Variants in GNAI1 observed in about 807,000 individuals in gnomAD.
GNAI1 encodes the protein G protein subunit alpha i1, also known as guanine nucleotide-binding protein G(i) subunit alpha-1.
Under a neutral mutation model 38.9 loss-of-function variants are expected in GNAI1, and 11 were observed. That is an observed-to-expected ratio of 0.28 (90% CI 0.18 to 0.47). The LOEUF (loss-of-function observed/expected upper bound fraction) is 0.47. GNAI1 is among the 20% of genes least tolerant of loss of function. The pLI is 0.99. For missense variants in GNAI1, 317 were observed against 436.9 expected, an observed-to-expected ratio of 0.73 and a Z score of 2.45; for synonymous variants, 166 against 145.1, an observed-to-expected ratio of 1.14 and a Z score of -1.04.
intron 1 of GNAI1, among the ~76,000 whole-genome samples, chr7:80,162,783 G>T (rs923874512): frequency 6.6e-6 from 1 of 152,148 alleles, no homozygotes; most frequent in Non-Finnish European, 1.5e-5. Context: ...ATTTGGTGTG[G>T]CTGAGCACAA....
chr7:80,203,749 G>T lies in GNAI1; in HGVS notation c.507G>T (p.Pro169=), dbSNP rs140625096. ...LDRIAQPNYI[P]TQQDVLRTRV... Reference sequence around the variant, plus strand: ...GAATAGCTCAACCAAATTACATCCCGACTCAACAAGATGTTCTCAGAACTA... The same window carrying T: ...GAATAGCTCAACCAAATTACATCCCTACTCAACAAGATGTTCTCAGAACTA... The change falls in exon 5 of 8, where the codon CCG becomes CCT. Residue 169 remains proline, a synonymous_variant. Coordinates refer to ENST00000649796, the MANE Select transcript of GNAI1 (RefSeq NM_002069.6). The T allele has an allele frequency of 4.4e-6, 7 of 1,590,630 alleles. No homozygotes were observed. Among genetic ancestry groups the T allele is most frequent in the African/African-American group, 1.3e-5 (1 of 74,298 alleles).
rs1417639782 is a variant in GNAI1, at chr7:80,135,259, G to A, written c.99G>A (p.Glu33=). 2.6e-6 allele frequency: 4 copies of A among 1,519,010 alleles called. No individual in the cohort carries two copies. Among genetic ancestry groups the A allele is most frequent in the Middle Eastern group, 2.0e-4 (1 of 4,970 alleles). The allele number at this position is 1,519,010 out of a possible 1,614,324, so 94.1% of individuals were successfully genotyped here. ...LREDGEKAAR[E]VKLLLLGAGE... The stretch of plus-strand genomic sequence containing the variant: ...AGGACGGCGAGAAGGCGGCGCGCGA[G>A]GTCAAGCTGCTGCTGCTCGGTAAGG... Residue 33 remains glutamate (E), a synonymous_variant, in exon 1 of 8, where the codon GAG becomes GAA. Transcript: ENST00000649796.
At chr7:80,182,558 T>G (rs1406138502) in intron 1 of GNAI1, among the ~76,000 whole-genome samples, 1 of 152,222 alleles carries the variant, frequency 6.6e-6, no homozygotes, top group African/African-American at 2.4e-5. Context: ...AAATATAAGT[T>G]CAGAGCTTCT....
chr7:80,184,656 CT>C (rs1216239834), intron 1 of GNAI1, among the ~76,000 whole-genome samples: 1 of 152,156 alleles, frequency 6.6e-6, no homozygotes, highest in African/African-American at 2.4e-5. Flanking sequence ...TGGAGACTGC[CT>C]TTCCCTTTCA....
intron 4 of GNAI1, among the ~76,000 whole-genome samples, chr7:80,202,967 T>G (rs1292329212): frequency 1.3e-5 from 2 of 152,192 alleles, no homozygotes; most frequent in Non-Finnish European, 2.9e-5. Flanking sequence ...GAATCCTTCT[T>G]TAATCACCTA....
intron 3 of GNAI1, 134 bp downstream of exon 3, chr7:80,189,365 G>A: frequency 1.4e-6 from 1 of 724,816 alleles, no homozygotes; most frequent in Non-Finnish European, 2.4e-6. Context: ...ATAGAAGTGA[G>A]TGAAATGAGG....
chr7:80,208,985 C>T (rs1213063172), intron 5 of GNAI1, among the ~76,000 whole-genome samples: 1 of 152,120 alleles, frequency 6.6e-6, no homozygotes, highest in Non-Finnish European at 1.5e-5. Flanking sequence ...ACATTCTGTC[C>T]ACAATGATAC....
At chr7:80,165,534 A>G (rs542689278) in intron 1 of GNAI1, among the ~76,000 whole-genome samples, 5 of 152,330 alleles carry the variant, frequency 3.3e-5, no homozygotes, top group African/African-American at 1.2e-4. Context: ...TTATTTAAAA[A>G]ACATGAGATA....
intron 5 of GNAI1, among the ~76,000 whole-genome samples, chr7:80,204,744 C>G (rs1788744234): frequency 6.6e-6 from 1 of 152,008 alleles, no homozygotes. Context: ...TAAGTCTGTA[C>G]TGTTATTCAT....
intron 7 of GNAI1, 70 bp from the exon 8 acceptor site, chr7:80,217,233 A>ACTGACTTCAGTTTCATATGTATGAAC (rs1562846627): frequency 1.1e-5 from 11 of 1,034,818 alleles, no homozygotes; most frequent in South Asian, 1.8e-5. Context: ...TATGTATGAA[A>ACTGACTTCAGTTTCATATGTATGAAC]CTGAATTCAG....
chr7:80,194,052 C>G (rs993628201), intron 3 of GNAI1, among the ~76,000 whole-genome samples: 2 of 152,150 alleles, frequency 1.3e-5, no homozygotes, highest in African/African-American at 4.8e-5. Context: ...CTGTGTCTGT[C>G]TGCCGGATTT....
chr7:80,160,980 A>G (rs753725883), intron 1 of GNAI1, among the ~76,000 whole-genome samples: 65 of 152,158 alleles, frequency 4.3e-4, no homozygotes, highest in Non-Finnish European at 7.5e-4. Flanking sequence ...AGTTAATCAC[A>G]TCTAAGAAGT....
rs138437672 is a variant in GNAI1, at chr7:80,183,492, G to T, written c.119-5459G>T. Among the ~76,000 whole-genome samples, 236 of 152,166 alleles carry T rather than the reference G, an allele frequency of 1.6e-3. 2 individuals carry two copies. Among genetic ancestry groups the T allele is most frequent in the African/African-American group, 5.4e-3 (225 of 41,530 alleles). On this transcript the variant is annotated intron_variant, in intron 1 of 7. Coordinates refer to ENST00000649796, the MANE Select transcript of GNAI1 (RefSeq NM_002069.6). Reference sequence around the variant, plus strand: ...CTTAAAAGGAGAGTAGAGGTATGAGGACTTCAGCATAAGATAACTTGGCTA... The same window carrying T: ...CTTAAAAGGAGAGTAGAGGTATGAGTACTTCAGCATAAGATAACTTGGCTA...
chr7:80,174,974 G>A (rs1446891296), intron 1 of GNAI1, among the ~76,000 whole-genome samples: 1 of 152,126 alleles, frequency 6.6e-6, no homozygotes, highest in African/African-American at 2.4e-5. Context: ...AATATTCCAT[G>A]TGACCAAATG....
At chr7:80,211,170 A>G (rs1788866939) in intron 6 of GNAI1, 72 bp downstream of exon 6, 2 of 1,346,134 alleles carry the variant, frequency 1.5e-6, no homozygotes, top group Non-Finnish European at 2.1e-6. Flanking sequence ...ATTTCTTTCT[A>G]ATGTCTATAA....
rs1321572409 is a variant in GNAI1 at position 80,135,082 on chromosome 7, A to G, written c.-79A>G. On this transcript the variant is annotated 5_prime_UTR_variant, in exon 1 of 8. Coordinates refer to ENST00000649796, the MANE Select transcript of GNAI1 (RefSeq NM_002069.6). Reference sequence around the variant, plus strand: ...GGGAGGCGTTCGAACGCCCGCTAGGAGAGAGAAAGGATTCCCCTGTGCTTG... The same window carrying G: ...GGGAGGCGTTCGAACGCCCGCTAGGGGAGAGAAAGGATTCCCCTGTGCTTG... 10 of 962,024 alleles carry G rather than the reference A, an allele frequency of 1.0e-5. No individual in the cohort carries two copies. The highest frequency in any genetic ancestry group is 2.3e-4 in the Middle Eastern group (1 of 4,340). 59.6% of individuals were successfully genotyped at this position (962,024 alleles called of 1,614,324 possible).
chr7:80,189,514 C>G (rs776817982), intron 3 of GNAI1, among the ~76,000 whole-genome samples: 31 of 152,136 alleles, frequency 2.0e-4, no homozygotes, highest in Non-Finnish European at 4.1e-4. Context: ...TTGGGTACCC[C>G]TGTATTCCCA....
chr7:80,140,557 G>T (rs1050704678), intron 1 of GNAI1, among the ~76,000 whole-genome samples: 12 of 152,090 alleles, frequency 7.9e-5, no homozygotes, highest in African/African-American at 2.9e-4. Flanking sequence ...ACATGTTCTG[G>T]CATGCAGTTA....
intron 3 of GNAI1, among the ~76,000 whole-genome samples, chr7:80,197,952 T>C (rs1026981853): frequency 1.3e-5 from 2 of 152,132 alleles, no homozygotes; most frequent in African/African-American, 2.4e-5. Flanking sequence ...TACAATACTT[T>C]GGAAGAATGC....
Sources: gnomAD v4.1 joint callset for allele counts (sites outside exome capture counted in the v4.1 genomes callset) on GRCh38, gnomAD v4.1.1 for gene constraint, MANE v1.5 for transcripts, NCBI Gene and HGNC (gene_info 2026-07-23, HGNC 2026-07-21) for gene names.